The following RBFOX1 variants were observed in gnomAD, a reference collection of about 807,000 sequenced individuals.
RBFOX1 encodes the protein RNA binding fox-1 homolog 1.
A neutral mutation model predicts 57.7 loss-of-function variants in RBFOX1; 8 were observed. The ratio of observed to expected loss-of-function variants is 0.14; its 90% CI spans 0.08 to 0.25. The LOEUF (loss-of-function observed/expected upper bound fraction) is 0.25, where lower values mean the gene tolerates loss of function less well. Ranked by LOEUF, RBFOX1 falls within the 10% of genes least tolerant of loss-of-function variation. The pLI is 1.00. For missense variants in RBFOX1, 611 were observed against 548.5 expected, an observed-to-expected ratio of 1.11 and a Z score of -1.14; for synonymous variants, 326 against 222.4, an observed-to-expected ratio of 1.47 and a Z score of -4.15.
At chr16:6,145,343 A>G (rs537722159) in intron 1 of RBFOX1, among the ~76,000 whole-genome samples, 2 of 152,028 alleles carry the variant, frequency 1.3e-5, no homozygotes, top group East Asian at 3.9e-4. Context: ...AACTCCATCC[A>G]TGTCCCTGCA....
intron 14 of RBFOX1, among the ~76,000 whole-genome samples, chr16:7,690,114 C>A (rs763220624): frequency 6.6e-6 from 1 of 152,084 alleles, no homozygotes; most frequent in Non-Finnish European, 1.5e-5. Flanking sequence ...AACACTGCTT[C>A]TCAGCTGGGC....
intron 1 of RBFOX1, among the ~76,000 whole-genome samples, chr16:6,181,538 C>T (rs1288513756): frequency 6.6e-6 from 1 of 152,162 alleles, no homozygotes; most frequent in Non-Finnish European, 1.5e-5. Context: ...AAATATTTTT[C>T]ACGTGAACTT....
At chr16:5,280,767 A>C (rs2063251724) in intron 1 of RBFOX1, among the ~76,000 whole-genome samples, 1 of 150,814 alleles carries the variant, frequency 6.6e-6, no homozygotes, top group South Asian at 2.1e-4. Flanking sequence ...TTCTTTGGTA[A>C]CAGTTGTAAC....
intron 2 of RBFOX1, among the ~76,000 whole-genome samples, chr16:5,593,820 G>C (rs1056542330): frequency 4.7e-4 from 72 of 152,218 alleles, no homozygotes; most frequent in African/African-American, 1.7e-3. Flanking sequence ...CTTTACTGTG[G>C]AGTCGCCCTG....
chr16:6,138,236 A>T (rs2096683439), intron 1 of RBFOX1, among the ~76,000 whole-genome samples: 1 of 152,148 alleles, frequency 6.6e-6, no homozygotes, highest in South Asian at 2.1e-4. Context: ...ACTTGGTTTG[A>T]TGTTCTGCTG....
chr16:6,170,746 A>C lies in RBFOX1; in HGVS notation c.-126-146249A>C, dbSNP rs1459897568. Among the ~76,000 whole-genome samples the C allele has an allele frequency of 3.3e-5, 5 of 151,576 alleles. No homozygotes were observed. The East Asian group carries it at 7.8e-4, about 24-fold the overall frequency. On this transcript the variant is annotated intron_variant, in intron 1 of 15. Coordinates refer to ENST00000550418, the MANE Select transcript of RBFOX1 (RefSeq NM_018723.4). ...TTTTTCTGCTTCTCTCCCTCCTCCC[A>C]CCCTCTATCCTCAAGCAGGCCCCAC...
intron 1 of RBFOX1, among the ~76,000 whole-genome samples, chr16:5,443,640 C>T (rs2068153559): frequency 6.6e-6 from 1 of 152,144 alleles, no homozygotes; most frequent in Non-Finnish European, 1.5e-5. Flanking sequence ...ACACCTGGCC[C>T]ATCTGAATTC....
chr16:6,409,946 G>A (rs1019102014), intron 2 of RBFOX1, among the ~76,000 whole-genome samples: 1 of 152,026 alleles, frequency 6.6e-6, no homozygotes, highest in African/African-American at 2.4e-5. Flanking sequence ...AGGAGCACCC[G>A]AGAAGCATCT....
Position 6,536,500 on chromosome 16 carries a change from T to C in RBFOX1, c.-63-118103T>C, listed in dbSNP as rs564592899. Reference sequence around the variant, plus strand: ...TATCATCAGAGTAATGTGGCTTTGATGATGTACTGCATTTTAAATTAGCTC... The same window carrying C: ...TATCATCAGAGTAATGTGGCTTTGACGATGTACTGCATTTTAAATTAGCTC... On this transcript the variant is annotated intron_variant, in intron 2 of 15. Transcript: ENST00000550418. Among the ~76,000 whole-genome samples the C allele has an allele frequency of 3.3e-5, 5 of 152,254 alleles. 1 individual carries two copies. In the South Asian group the frequency reaches 1.0e-3, roughly 32 times the overall value.
intron 4 of RBFOX1, among the ~76,000 whole-genome samples, chr16:7,370,938 C>T (rs752078597): frequency 1.3e-5 from 2 of 152,176 alleles, no homozygotes; most frequent in Admixed American, 6.5e-5. Flanking sequence ...GAGTGGAATA[C>T]TGATGCATGG....
intron 3 of RBFOX1, chr16:6,704,006 C>A (rs2062281398): frequency 6.6e-6 from 1 of 152,574 alleles, no homozygotes; most frequent in Non-Finnish European, 1.5e-5. Flanking sequence ...GTGTCTCTCT[C>A]CTCTGACTTC....
intron 5 of RBFOX1, among the ~76,000 whole-genome samples, chr16:7,545,021 G>A (rs2084033064): frequency 6.6e-6 from 1 of 152,190 alleles, no homozygotes; most frequent in Admixed American, 6.5e-5. Context: ...ACTAAGCCGA[G>A]CAGTACAGTG....
intron 4 of RBFOX1, among the ~76,000 whole-genome samples, chr16:5,899,782 T>A (rs2152177286): frequency 6.6e-6 from 1 of 152,112 alleles, no homozygotes; most frequent in Admixed American, 6.5e-5. Context: ...ATGGCGACAG[T>A]TCCTTTGATG....
chr16:5,255,145 G>C (rs1468589448), intron 1 of RBFOX1, among the ~76,000 whole-genome samples: 1 of 152,112 alleles, frequency 6.6e-6, no homozygotes, highest in Non-Finnish European at 1.5e-5. Context: ...AGTGTTCTGA[G>C]GGTGGTGACT....
At chr16:5,641,505 C>G (rs937766636) in intron 3 of RBFOX1, among the ~76,000 whole-genome samples, 1 of 152,220 alleles carries the variant, frequency 6.6e-6, no homozygotes, top group Non-Finnish European at 1.5e-5. Context: ...CAAGAGATAG[C>G]TGTTACTCAG....
chr16:7,321,275 G>A (rs1444292788), intron 4 of RBFOX1, among the ~76,000 whole-genome samples: 1 of 152,022 alleles, frequency 6.6e-6, no homozygotes, highest in African/African-American at 2.4e-5. Context: ...CTCCTAAGTA[G>A]CTGGGATTAC....
intron 4 of RBFOX1, among the ~76,000 whole-genome samples, chr16:5,999,012 C>T (rs1430135632): frequency 6.6e-6 from 1 of 152,148 alleles, no homozygotes; most frequent in African/African-American, 2.4e-5. Flanking sequence ...AACATTTATC[C>T]TGAATCATCT....
chr16:5,589,654 C>T (rs1413133313), intron 2 of RBFOX1, among the ~76,000 whole-genome samples: 1 of 152,182 alleles, frequency 6.6e-6, no homozygotes, highest in South Asian at 2.1e-4. Context: ...GATGTGTAAC[C>T]TTTGGCAAAG....
At chr16:6,499,603 A>G (rs1365617157) in intron 2 of RBFOX1, among the ~76,000 whole-genome samples, 1 of 152,100 alleles carries the variant, frequency 6.6e-6, no homozygotes, top group African/African-American at 2.4e-5. Flanking sequence ...TGCAGTGGGA[A>G]TGATTCAGCT....
Sources: allele counts gnomAD v4.1 joint callset (sites outside exome capture counted in the v4.1 genomes callset), GRCh38; gene constraint gnomAD v4.1.1; transcripts MANE v1.5; gene names NCBI Gene and HGNC (gene_info 2026-07-23, HGNC 2026-07-21).